The following KCNIP4 variants were observed in gnomAD, a reference collection of about 807,000 sequenced individuals.
KCNIP4 encodes Kv channel-interacting protein 4.
Under a neutral mutation model 34.0 loss-of-function variants are expected in KCNIP4, and 12 were observed. The observed-to-expected ratio is 0.35, with a 90% CI of 0.23 to 0.57. The LOEUF (loss-of-function observed/expected upper bound fraction) is 0.57. Among genes scored for constraint, KCNIP4 ranks in the 20% least tolerant of loss-of-function variants. KCNIP4 has a pLI of 0.83. For missense variants in KCNIP4, 238 were observed against 311.7 expected (o/e 0.76, Z 1.78); for synonymous variants, 124 against 102.2 (o/e 1.21, Z -1.29).
chr4:20,843,747 C>T (rs1720037096), intron 3 of KCNIP4, among the ~76,000 whole-genome samples: 1 of 152,032 alleles, frequency 6.6e-6, no homozygotes, highest in South Asian at 2.1e-4. Flanking sequence ...CAAAACAAAA[C>T]AAAACAAAAA....
At chr4:20,867,136 T>C (rs1202319620) in intron 2 of KCNIP4, among the ~76,000 whole-genome samples, 1 of 152,018 alleles carries the variant, frequency 6.6e-6, no homozygotes, top group East Asian at 1.9e-4. Context: ...AGAACATTCT[T>C]CACAGAATTA....
chr4:21,452,316 A>G (rs751781141), intron 1 of KCNIP4, among the ~76,000 whole-genome samples: 3 of 152,106 alleles, frequency 2.0e-5, no homozygotes, highest in African/African-American at 7.2e-5. Context: ...TGGAGGTGGG[A>G]GAAGGAAGTT....
chr4:21,796,162 G>A (rs1205819018), intron 1 of KCNIP4, among the ~76,000 whole-genome samples: 2 of 152,132 alleles, frequency 1.3e-5, no homozygotes, highest in African/African-American at 4.8e-5. Context: ...TTTAAAGCAA[G>A]TTTTGTTCTT....
Position 21,701,164 on chromosome 4 carries a change from G to A in KCNIP4, c.61+247407C>T, listed in dbSNP as rs556538594. ...TCAAATAAGCCAAGCACAGAACAAC[G>A]AATATAGTATGATCTCACTTATATG... is the stretch of plus-strand genomic sequence containing the variant. On this transcript the variant is annotated intron_variant, in intron 1 of 8. Coordinates refer to ENST00000382152, the MANE Select transcript of KCNIP4 (RefSeq NM_025221.6). Among the ~76,000 whole-genome samples, 32 of 152,192 alleles carry A rather than the reference G, an allele frequency of 2.1e-4. No homozygotes were observed. In the South Asian group the frequency reaches 2.3e-3, roughly 11 times the overall value.
chr4:21,071,708 A>G (rs567625254), intron 1 of KCNIP4, among the ~76,000 whole-genome samples: 1 of 152,042 alleles, frequency 6.6e-6, no homozygotes, highest in African/African-American at 2.4e-5. Flanking sequence ...TTTGTTACAT[A>G]TGTATACATG....
chr4:21,382,570 A>G (rs1335811996), intron 1 of KCNIP4, among the ~76,000 whole-genome samples: 2 of 152,274 alleles, frequency 1.3e-5, no homozygotes, highest in East Asian at 3.9e-4. Flanking sequence ...ACATACATCA[A>G]TGCTCAAATT....
chr4:21,501,715 T>C (rs866242706), intron 1 of KCNIP4, among the ~76,000 whole-genome samples: 16 of 150,732 alleles, frequency 1.1e-4, no homozygotes, highest in South Asian at 2.1e-4. Flanking sequence ...TGTGTGTGTG[T>C]GCGTTGGAAG....
At chr4:20,934,103 C>G (rs1371437764) in intron 1 of KCNIP4, among the ~76,000 whole-genome samples, 1 of 151,980 alleles carries the variant, frequency 6.6e-6, no homozygotes, top group African/African-American at 2.4e-5. Flanking sequence ...TTATAGAAGG[C>G]AAATCTAGGA....
intron 3 of KCNIP4, among the ~76,000 whole-genome samples, chr4:20,761,534 G>T (rs1277757454): frequency 6.6e-6 from 1 of 152,168 alleles, no homozygotes. Context: ...AGTTGCTTGG[G>T]ATAGTAAGGA....
At chr4:21,091,618 C>T (rs1747002362) in intron 1 of KCNIP4, among the ~76,000 whole-genome samples, 1 of 152,130 alleles carries the variant, frequency 6.6e-6, no homozygotes, top group Non-Finnish European at 1.5e-5. Context: ...GACTGGGTAC[C>T]TTATAAACAA....
At chr4:21,439,640 G>A (rs1727275709) in intron 1 of KCNIP4, among the ~76,000 whole-genome samples, 1 of 152,170 alleles carries the variant, frequency 6.6e-6, no homozygotes. Flanking sequence ...TGATCAATGG[G>A]ACTGACATGG....
intron 1 of KCNIP4, among the ~76,000 whole-genome samples, chr4:21,041,249 C>CAT (rs1403638218): frequency 2.7e-5 from 4 of 145,808 alleles, no homozygotes; most frequent in African/African-American, 1.1e-4. Context: ...CACACACACA[C>CAT]ACACACACAC....
intron 1 of KCNIP4, among the ~76,000 whole-genome samples, chr4:21,028,025 A>G (rs1350970391): frequency 6.6e-6 from 1 of 152,062 alleles, no homozygotes; most frequent in East Asian, 1.9e-4. Flanking sequence ...CTTCCCCTTA[A>G]GCAGATCTAC....
At chr4:21,289,747 C>G (rs531484827) in intron 1 of KCNIP4, among the ~76,000 whole-genome samples, 1 of 152,034 alleles carries the variant, frequency 6.6e-6, no homozygotes, top group Non-Finnish European at 1.5e-5. Flanking sequence ...TAATTCTTAC[C>G]TAGGTTTTCA....
At chr4:21,908,885 G>A (rs1728146868) in intron 1 of KCNIP4, among the ~76,000 whole-genome samples, 1 of 152,114 alleles carries the variant, frequency 6.6e-6, no homozygotes, top group South Asian at 2.1e-4. Context: ...ATGAACACTG[G>A]ATCAAGCATC....
chr4:21,155,488 T>C (rs10021509), intron 1 of KCNIP4, among the ~76,000 whole-genome samples: 6,134 of 152,232 alleles, frequency 0.04, 386 homozygotes, highest in African/African-American at 0.14. Context: ...TATTATTCCA[T>C]TGATATGTCA....
chr4:21,104,538 A>G (rs373083546), intron 1 of KCNIP4, among the ~76,000 whole-genome samples: 10 of 152,002 alleles, frequency 6.6e-5, no homozygotes, highest in South Asian at 2.1e-4. Context: ...CTCCCATTCT[A>G]TAGGTTGCCT....
chr4:21,345,082 T>C (rs551520842), intron 1 of KCNIP4, among the ~76,000 whole-genome samples: 1 of 152,268 alleles, frequency 6.6e-6, no homozygotes, highest in Non-Finnish European at 1.5e-5. Context: ...AACAGAATAA[T>C]GCAGAAGTGA....
chr4:20,964,105 T>C (rs973593340), intron 1 of KCNIP4, among the ~76,000 whole-genome samples: 3 of 152,190 alleles, frequency 2.0e-5, no homozygotes, highest in Admixed American at 2.0e-4. Flanking sequence ...CTAGAACCTA[T>C]AAGTATTTTA....
Sources: gnomAD v4.1 joint callset for allele counts (sites outside exome capture counted in the v4.1 genomes callset) on GRCh38, gnomAD v4.1.1 for gene constraint, MANE v1.5 for transcripts, NCBI Gene and HGNC (gene_info 2026-07-23, HGNC 2026-07-21) for gene names.